VPS8: variants seen among roughly 807,000 people sequenced by gnomAD.
VPS8 encodes vacuolar protein sorting-associated protein 8 homolog.
In VPS8, 129 loss-of-function variants were observed where a neutral mutation model predicts 216.4. The ratio of observed to expected loss-of-function variants is 0.60; its 90% CI spans 0.52 to 0.69. VPS8 has a LOEUF of 0.69. VPS8 is among the 30% of genes least tolerant of loss of function. VPS8 has a pLI of 0.00. For missense variants in VPS8, 1,531 were observed against 1,683.5 expected (o/e 0.91, Z 1.59); for synonymous variants, 571 against 565.4 (o/e 1.01, Z -0.14).
chr3:184,953,413 T>C lies in VPS8; in HGVS notation c.3036-3961T>C, dbSNP rs528156584. On this transcript the variant is annotated intron_variant, in intron 36 of 47. Coordinates refer to ENST00000625842, the MANE Select transcript of VPS8 (RefSeq NM_001009921.3). ...AGGTGGATTCAGAGATTCTTTGATT[T>C]GCAGTTGGTTAAGGAAGCAAGGCTT... 4.3e-4 allele frequency among the ~76,000 whole-genome samples: 65 copies of C among 152,312 alleles called. 1 individual carries two copies. The highest frequency in any genetic ancestry group is 1.9e-3 in the Admixed American group (29 of 15,292).
chr3:184,936,759 A>G (rs1277422205), intron 35 of VPS8, among the ~76,000 whole-genome samples: 1 of 146,856 alleles, frequency 6.8e-6, no homozygotes, highest in Non-Finnish European at 1.5e-5. Context: ...TTTTTTTGAG[A>G]TGGAGTCTCG....
chr3:184,891,140 G>A (rs892092125), intron 22 of VPS8, among the ~76,000 whole-genome samples: 5 of 152,044 alleles, frequency 3.3e-5, no homozygotes, highest in Admixed American at 6.5e-5. Context: ...AGCAAAATGG[G>A]TGCTCTATAT....
At chr3:184,922,245 A>T (rs112578850) in intron 29 of VPS8, among the ~76,000 whole-genome samples, 351 of 152,288 alleles carry the variant, frequency 2.3e-3, no homozygotes, top group Middle Eastern at 0.01. Context: ...TCTCCCACAC[A>T]TCTAGGTTGA....
In VPS8 at chr3:184,978,340, C is replaced by T. The variant is rs546871461; in HGVS notation, c.3421-4226C>T. ...GATCTTCTCTCCTTTTCCCTCCTTC[C>T]GTCATTCCTTCCATCCTTCTGTCCG... is the stretch of plus-strand genomic sequence containing the variant. On this transcript the variant is annotated intron_variant, in intron 40 of 47. Transcript: ENST00000625842. 2.6e-5 allele frequency among the ~76,000 whole-genome samples: 4 copies of T among 151,960 alleles called. No individual in the cohort carries two copies. The South Asian group carries it at 8.3e-4, about 32-fold the overall frequency.
At chr3:184,894,624 T>C in intron 22 of VPS8, 79 bp from the exon 23 acceptor site, 1 of 1,065,018 alleles carries the variant, frequency 9.4e-7, no homozygotes, top group Non-Finnish European at 1.4e-6. Context: ...AGGGAAAAGA[T>C]GAGATATATT....
intron 4 of VPS8, among the ~76,000 whole-genome samples, chr3:184,833,344 A>G (rs146989572): frequency 1.1e-4 from 16 of 152,334 alleles, no homozygotes; most frequent in Non-Finnish European, 4.4e-5. Context: ...AATTGGAGGA[A>G]TCATACTATA....
At chr3:184,982,149 G>T (rs548490841) in intron 40 of VPS8, among the ~76,000 whole-genome samples, 1 of 151,722 alleles carries the variant, frequency 6.6e-6, no homozygotes, top group Non-Finnish European at 1.5e-5. Context: ...GCTAGTGGGG[G>T]TGCTTATTTC....
chr3:184,890,859 T>A (rs995974122), intron 22 of VPS8, among the ~76,000 whole-genome samples: 2 of 152,096 alleles, frequency 1.3e-5, no homozygotes, highest in African/African-American at 4.8e-5. Context: ...ACAATTTCAT[T>A]TCAATTTGGT....
chr3:184,959,290 T>C (rs931346435), intron 37 of VPS8, among the ~76,000 whole-genome samples: 1 of 152,170 alleles, frequency 6.6e-6, no homozygotes. Context: ...AGTCTGGTTA[T>C]ATCTAAAAAT....
At chr3:184,841,208 G>A (rs1049618161) in intron 7 of VPS8, among the ~76,000 whole-genome samples, 16 of 152,030 alleles carry the variant, frequency 1.1e-4, no homozygotes, top group Admixed American at 2.0e-4. Flanking sequence ...AAATATAGAT[G>A]AGCAAAAAGT....
chr3:184,999,351 G>T (rs1354482467), intron 44 of VPS8, among the ~76,000 whole-genome samples: 1 of 152,160 alleles, frequency 6.6e-6, no homozygotes, highest in Non-Finnish European at 1.5e-5. Context: ...GAGCCACCAC[G>T]CCCAGCCCCC....
intron 4 of VPS8, among the ~76,000 whole-genome samples, 154 bp from the exon 5 acceptor site, chr3:184,834,495 A>G (rs916844101): frequency 1.3e-5 from 2 of 152,100 alleles, no homozygotes; most frequent in Non-Finnish European, 2.9e-5. Flanking sequence ...AACTTAAAGT[A>G]TAATAATAAT....
At chr3:185,021,836 A>G (rs1256551249) in intron 45 of VPS8, among the ~76,000 whole-genome samples, 2 of 152,206 alleles carry the variant, frequency 1.3e-5, no homozygotes, top group African/African-American at 4.8e-5. Flanking sequence ...AGTATATATC[A>G]TCTGTACTGT....
chr3:184,966,942 T>A (rs1747514009), intron 39 of VPS8, among the ~76,000 whole-genome samples: 1 of 151,564 alleles, frequency 6.6e-6, no homozygotes, highest in Admixed American at 6.6e-5. Flanking sequence ...GAGTTAAATA[T>A]ACAGAAAATT....
At chr3:184,814,448 A>C (rs1378237962) in intron 1 of VPS8, among the ~76,000 whole-genome samples, 2 of 152,238 alleles carry the variant, frequency 1.3e-5, no homozygotes, top group Non-Finnish European at 2.9e-5. Flanking sequence ...GTGTACTTAC[A>C]CAAACCTAGA....
At chr3:184,957,613 AT>A (rs1745834625) in intron 37 of VPS8, 92 bp downstream of exon 37, 2 of 1,388,614 alleles carry the variant, frequency 1.4e-6, no homozygotes, top group East Asian at 5.1e-5. Flanking sequence ...AAAATATATA[AT>A]TTCTTTTTTA....
At chr3:184,865,707 G>A (rs1727216479) in intron 16 of VPS8, among the ~76,000 whole-genome samples, 1 of 152,222 alleles carries the variant, frequency 6.6e-6, no homozygotes, top group South Asian at 2.1e-4. Context: ...AAACATTGAG[G>A]CCAGGCGTGG....
At chr3:184,874,675 A>G (rs765640781) in intron 21 of VPS8, among the ~76,000 whole-genome samples, 2 of 152,338 alleles carry the variant, frequency 1.3e-5, no homozygotes, top group Non-Finnish European at 2.9e-5. Context: ...CAGATACAGG[A>G]AAGTACTGGT....
intron 13 of VPS8, among the ~76,000 whole-genome samples, chr3:184,854,967 T>C (rs1724976045): frequency 6.6e-6 from 1 of 152,162 alleles, no homozygotes; most frequent in Admixed American, 6.5e-5. Context: ...GCGTTCCCTA[T>C]GGTGAAGGAA....
Sources: allele counts gnomAD v4.1 joint callset (sites outside exome capture counted in the v4.1 genomes callset), GRCh38; gene constraint gnomAD v4.1.1; transcripts MANE v1.5; gene names NCBI Gene and HGNC (gene_info 2026-07-23, HGNC 2026-07-21).